MDM2: variants seen among roughly 807,000 people sequenced by gnomAD.
The protein encoded by MDM2 is E3 ubiquitin-protein ligase Mdm2.
In MDM2, 11 loss-of-function variants were observed where a neutral mutation model predicts 64.3. The ratio of observed to expected loss-of-function variants is 0.17; its 90% CI spans 0.11 to 0.28. The LOEUF (loss-of-function observed/expected upper bound fraction) is 0.28, where lower values mean the gene tolerates loss of function less well. Among genes scored for constraint, MDM2 ranks in the 10% least tolerant of loss-of-function variants. The probability of loss-of-function intolerance (pLI) is 1.00; values close to 1 mark genes in which losing one functional copy is unlikely to be tolerated. For missense variants in MDM2, 388 were observed against 577.1 expected, an observed-to-expected ratio of 0.67 and a Z score of 3.36; for synonymous variants, 194 against 192.9, an observed-to-expected ratio of 1.01 and a Z score of -0.05.
Position 68,845,376 on chromosome 12 carries a change from A to G in MDM2, c.*5527A>G, listed in dbSNP as rs1884205243. 4.7e-6 allele frequency: 1 copy of G among 210,820 alleles called. No homozygotes were observed. The highest frequency in any genetic ancestry group is 2.3e-5 in the African/African-American group (1 of 43,986). 13.1% of individuals were successfully genotyped at this position (210,820 alleles called of 1,614,324 possible). On this transcript the variant is annotated 3_prime_UTR_variant, in exon 11 of 11. Transcript: ENST00000258149. ...CAGCACTTGGAAGGTGTTCAGAAGTAACAAATTATAAAATGAGCTAACAAA... is the reference window on the plus strand; with the variant it reads ...CAGCACTTGGAAGGTGTTCAGAAGTGACAAATTATAAAATGAGCTAACAAA...
At chr12:68,821,862 TTTTG>T (rs1881884404) in intron 5 of MDM2, among the ~76,000 whole-genome samples, 1 of 152,186 alleles carries the variant, frequency 6.6e-6, no homozygotes. Context: ...TTGTGGGTTT[TTTTG>T]TTTGTTTTTG....
At chr12:68,818,672 G>T (rs1881595545) in intron 4 of MDM2, among the ~76,000 whole-genome samples, 1 of 150,234 alleles carries the variant, frequency 6.7e-6, no homozygotes, top group African/African-American at 2.4e-5. Context: ...CGTGGCCTTG[G>T]TATATATGGT....
intron 5 of MDM2, among the ~76,000 whole-genome samples, chr12:68,821,776 CT>C (rs1881877587): frequency 6.6e-6 from 1 of 152,146 alleles, no homozygotes; most frequent in African/African-American, 2.4e-5. Context: ...TGTTTAGTTC[CT>C]AGAATGAATT....
Position 68,842,628 on chromosome 12 carries a change from G to C in MDM2, c.*2779G>C. ...TGAAATGTGGACATAAAATAGTTAC[G>C]CTATTTGGTTAATGGTACTAGACAA... On this transcript the variant is annotated 3_prime_UTR_variant, in exon 11 of 11. Transcript: ENST00000258149. 1 of 284,748 alleles carries C rather than the reference G, an allele frequency of 3.5e-6. No homozygotes were observed. The highest frequency in any genetic ancestry group is 4.7e-5 in the South Asian group (1 of 21,348). The allele number at this position is 284,748 out of a possible 1,614,324, so 17.6% of individuals were successfully genotyped here. A position where few individuals can be genotyped will look rare whatever the true frequency, so the allele number is the denominator to read the frequency against.
chr12:68,819,544 T>C lies in MDM2; in HGVS notation c.309-781T>C, dbSNP rs532163992. On this transcript the variant is annotated intron_variant, in intron 4 of 10. Coordinates refer to ENST00000258149, the MANE Select transcript of MDM2 (RefSeq NM_002392.6). Reference sequence around the variant, plus strand: ...TTTGCTCTTGTTGCCCAGGCTGGAGTGCAATGGCGTGATCTTGGCTCACCG... The same window carrying C: ...TTTGCTCTTGTTGCCCAGGCTGGAGCGCAATGGCGTGATCTTGGCTCACCG... 2.0e-5 allele frequency among the ~76,000 whole-genome samples: 3 copies of C among 152,280 alleles called. No individual in the cohort carries two copies. The East Asian group carries it at 5.8e-4, about 29-fold the overall frequency.
Position 68,835,825 on chromosome 12 carries a change from T to G in MDM2, c.685-4T>G. On this transcript the variant is annotated splice_region_variant and splice_polypyrimidine_tract_variant and intron_variant, in intron 8 of 10. Coordinates refer to ENST00000258149, the MANE Select transcript of MDM2 (RefSeq NM_002392.6). ...TTAAGTTATATATTTTTTTCTTGTT[T>G]TAGGATCTTGATGCTGGTGTAAGTG... The G allele has an allele frequency of 6.2e-7, 1 of 1,610,432 alleles. No individual in the cohort carries two copies. The highest frequency in any genetic ancestry group is 2.2e-5 in the East Asian group (1 of 44,834).
chr12:68,820,282 A>C, intron 4 of MDM2, 43 bp from the exon 5 acceptor site: 3 of 1,419,538 alleles, frequency 2.1e-6, no homozygotes, highest in Non-Finnish European at 2.9e-6. Flanking sequence ...TTTTTATTCT[A>C]AAATGTACAT....
Position 68,844,261 on chromosome 12 carries a change from A to T in MDM2, c.*4412A>T. 1 of 216,478 alleles carries T rather than the reference A, an allele frequency of 4.6e-6. No individual in the cohort carries two copies. The highest frequency in any genetic ancestry group is 9.3e-6 in the Non-Finnish European group (1 of 107,672). The allele number at this position is 216,478 out of a possible 1,614,324, so 13.4% of individuals were successfully genotyped here. ...TTATTTGAATATCATATATTTGGGTAACAAAAGGCACAAGTCTGAATGTGT... is the reference window on the plus strand; with the variant it reads ...TTATTTGAATATCATATATTTGGGTTACAAAAGGCACAAGTCTGAATGTGT... On this transcript the variant is annotated 3_prime_UTR_variant, in exon 11 of 11. Transcript: ENST00000258149.
chr12:68,810,039 C>G (rs1270547417), intron 2 of MDM2, among the ~76,000 whole-genome samples: 1 of 152,122 alleles, frequency 6.6e-6, no homozygotes, highest in African/African-American at 2.4e-5. Flanking sequence ...AGGCTGGCCT[C>G]GGTGGCTCAC....
intron 5 of MDM2, among the ~76,000 whole-genome samples, chr12:68,822,746 C>CTT (rs35863515): frequency 6.8e-6 from 1 of 146,394 alleles, no homozygotes; most frequent in African/African-American, 2.6e-5. Flanking sequence ...AACTTTGTCA[C>CTT]TTTTTTTTTT....
chr12:68,809,754 A>C (rs1880697237), intron 2 of MDM2, among the ~76,000 whole-genome samples: 1 of 152,132 alleles, frequency 6.6e-6, no homozygotes, highest in Admixed American at 6.6e-5. Flanking sequence ...TTTACATTTG[A>C]ATTTAAATCT....
chr12:68,821,267 C>T (rs1029313849), intron 5 of MDM2, among the ~76,000 whole-genome samples: 3 of 151,998 alleles, frequency 2.0e-5, no homozygotes, highest in East Asian at 3.9e-4. Context: ...AGGCTGGTCT[C>T]GAACTCCTGA....
chr12:68,811,108 G>T (rs1279683726), intron 2 of MDM2, among the ~76,000 whole-genome samples: 1 of 151,882 alleles, frequency 6.6e-6, no homozygotes, highest in Non-Finnish European at 1.5e-5. Context: ...CAGGTGATCT[G>T]CCTGCCTCGG....
intron 2 of MDM2, among the ~76,000 whole-genome samples, chr12:68,813,201 G>T (rs551751524): frequency 2.0e-5 from 3 of 152,244 alleles, no homozygotes; most frequent in South Asian, 4.2e-4. Flanking sequence ...TTGATAACAG[G>T]ACCCACTCTA....
At chr12:68,810,100 T>A (rs1880730630) in intron 2 of MDM2, among the ~76,000 whole-genome samples, 2 of 152,074 alleles carry the variant, frequency 1.3e-5, no homozygotes, top group South Asian at 4.1e-4. Context: ...TCACCTGAGA[T>A]GAGGAGTTCA....
intron 8 of MDM2, among the ~76,000 whole-genome samples, chr12:68,834,311 G>C (rs770704468): frequency 2.6e-5 from 4 of 152,108 alleles, no homozygotes; most frequent in Non-Finnish European, 5.9e-5. Context: ...GTGTGGTAGT[G>C]GACACCTGTA....
chr12:68,815,826 G>A (rs1435483394), intron 3 of MDM2: 2 of 168,338 alleles, frequency 1.2e-5, no homozygotes, highest in Non-Finnish European at 2.7e-5. Flanking sequence ...ATTGTAAACT[G>A]TAAAATGCCA....
intron 7 of MDM2, among the ~76,000 whole-genome samples, chr12:68,827,189 T>TA (rs528795485): frequency 3.3e-4 from 50 of 152,158 alleles, no homozygotes; most frequent in African/African-American, 4.8e-4. Flanking sequence ...AAGAAAATGA[T>TA]AAAAAAAGTC....
At chr12:68,839,237 G>A in intron 10 of MDM2, 37 bp from the exon 11 acceptor site, 1 of 1,584,036 alleles carries the variant, frequency 6.3e-7, no homozygotes, top group South Asian at 1.2e-5. Context: ...CAGTTAAAGG[G>A]TTACAGAAAC....
Sources: gnomAD v4.1 joint callset for allele counts (sites outside exome capture counted in the v4.1 genomes callset) on GRCh38, gnomAD v4.1.1 for gene constraint, MANE v1.5 for transcripts, NCBI Gene and HGNC (gene_info 2026-07-23, HGNC 2026-07-21) for gene names.